The following SGSM1 variants were observed in gnomAD, a reference collection of about 807,000 sequenced individuals.
The protein encoded by SGSM1 is RUN and TBC1 domain containing 2.
SGSM1 carries 73 observed loss-of-function variants against 133.8 expected under a neutral mutation model. That is an observed-to-expected ratio of 0.55 (90% confidence interval 0.45 to 0.66). The LOEUF is 0.66. Among genes scored for constraint, SGSM1 ranks in the 30% least tolerant of loss-of-function variants. The pLI is 0.00. For missense variants in SGSM1, 1,213 were observed against 1,448.1 expected, an observed-to-expected ratio of 0.84 and a Z score of 2.64; for synonymous variants, 563 against 573.0, an observed-to-expected ratio of 0.98 and a Z score of 0.25.
intron 21 of SGSM1, among the ~76,000 whole-genome samples, chr22:24,905,743 CACACCACT>C (rs1391476841): frequency 6.9e-6 from 1 of 144,716 alleles, no homozygotes; most frequent in Non-Finnish European, 1.5e-5. Context: ...GAACCGAGAT[CACACCACT>C]GTACTCCAGC....
At chr22:24,889,041 AACCTCC>A (rs1177324379) in intron 16 of SGSM1, among the ~76,000 whole-genome samples, 1 of 141,960 alleles carries the variant, frequency 7.0e-6, no homozygotes, top group Non-Finnish European at 1.5e-5. Flanking sequence ...GGCTTACTAC[AACCTCC>A]ACCTCCCAGG....
intron 12 of SGSM1, among the ~76,000 whole-genome samples, chr22:24,872,934 A>T (rs1439553666): frequency 3.3e-5 from 5 of 151,072 alleles, no homozygotes; most frequent in Middle Eastern, 3.4e-3. Context: ...AAAAAAAGAA[A>T]TTTTTTTAAA....
chr22:24,869,897 C>T (rs74526375), intron 12 of SGSM1, among the ~76,000 whole-genome samples: 1,744 of 152,326 alleles, frequency 0.011, 36 homozygotes, highest in African/African-American at 0.04. Context: ...TTGAAAAGTA[C>T]TTAGAAGAGG....
At chr22:24,894,526 G>C (rs1240769252) in intron 17 of SGSM1, among the ~76,000 whole-genome samples, 1 of 152,228 alleles carries the variant, frequency 6.6e-6, no homozygotes, top group Non-Finnish European at 1.5e-5. Context: ...CTCTGGGTCA[G>C]CTGGCAAGTT....
chr22:24,900,019 T>C (rs1293431500), intron 19 of SGSM1, among the ~76,000 whole-genome samples: 1 of 145,906 alleles, frequency 6.9e-6, no homozygotes, highest in East Asian at 2.1e-4. Context: ...GATTATTTTA[T>C]AGTCTCTTGC....
intron 2 of SGSM1, among the ~76,000 whole-genome samples, chr22:24,818,280 A>C (rs1006510109): frequency 4.6e-5 from 7 of 151,848 alleles, no homozygotes; most frequent in African/African-American, 1.5e-4. Context: ...AACAGTACTA[A>C]TCCCATCCAA....
intron 16 of SGSM1, among the ~76,000 whole-genome samples, chr22:24,890,569 C>G (rs139728): frequency 0.23 from 34,807 of 151,748 alleles, 4,271 homozygotes; most frequent in East Asian, 0.52. Flanking sequence ...GAGGTGGAGT[C>G]TCGCTCTGTT....
chr22:24,896,650 G>A (rs576193455), intron 18 of SGSM1, among the ~76,000 whole-genome samples: 9 of 142,888 alleles, frequency 6.3e-5, no homozygotes, highest in South Asian at 2.2e-4. Context: ...TGCCTTTTCC[G>A]TGTGTTAACT....
At chr22:24,837,963 A>C (rs1929565105) in intron 2 of SGSM1, among the ~76,000 whole-genome samples, 1 of 152,216 alleles carries the variant, frequency 6.6e-6, no homozygotes, top group East Asian at 1.9e-4. Context: ...ATTATACTGG[A>C]ACAGCTCGTG....
At chr22:24,849,319 C>G (rs911297298) in intron 4 of SGSM1, among the ~76,000 whole-genome samples, 1 of 151,662 alleles carries the variant, frequency 6.6e-6, no homozygotes, top group Admixed American at 6.6e-5. Context: ...TTTGGGAGGC[C>G]AAGGTGGGCA....
At chr22:24,855,090 A>G (rs1358713023) in intron 6 of SGSM1, 27 bp downstream of exon 6, 1 of 1,608,322 alleles carries the variant, frequency 6.2e-7, no homozygotes, top group Non-Finnish European at 8.5e-7. Flanking sequence ...GCTGAGCTTC[A>G]TCTAGACCCG....
At chr22:24,818,927 A>G (rs184673968) in intron 2 of SGSM1, among the ~76,000 whole-genome samples, 1,573 of 151,996 alleles carry the variant, frequency 0.01, 55 homozygotes, top group Admixed American at 0.072. Flanking sequence ...CGGGCGGATC[A>G]TGAGGTCAGG....
At chr22:24,871,458 T>C (rs532657579) in intron 12 of SGSM1, among the ~76,000 whole-genome samples, 1 of 152,108 alleles carries the variant, frequency 6.6e-6, no homozygotes, top group Non-Finnish European at 1.5e-5. Flanking sequence ...CAGTAAGCAA[T>C]AGTAGGTATC....
rs1932152833 is a variant in SGSM1 at position 24,878,602 on chromosome 22, C to T, written c.1431-860C>T. Among the ~76,000 whole-genome samples, 7 of 152,324 alleles carry T rather than the reference C, an allele frequency of 4.6e-5. No individual in the cohort carries two copies. The South Asian group carries it at 1.4e-3, about 32-fold the overall frequency. ...TCCTGAGAACAAATATGCAGATATT[C>T]TTCCATTCTATCCTCTATGAGAGTG... On this transcript the variant is annotated intron_variant, in intron 13 of 24. Transcript: ENST00000400358.
At chr22:24,862,245 C>T (rs574828578) in intron 9 of SGSM1, among the ~76,000 whole-genome samples, 62 of 152,246 alleles carry the variant, frequency 4.1e-4, no homozygotes, top group Admixed American at 1.6e-3. Context: ...CCACCGCACC[C>T]GGCCACCCAG....
At chr22:24,827,694 C>G (rs563518945) in intron 2 of SGSM1, among the ~76,000 whole-genome samples, 1 of 152,086 alleles carries the variant, frequency 6.6e-6, no homozygotes, top group African/African-American at 2.4e-5. Context: ...GGATCTCATT[C>G]AGGCCTCCTC....
chr22:24,860,913 AAAAAAAAAAAT>A lies in SGSM1; in HGVS notation c.926+1075_926+1085del, dbSNP rs1233196749. On this transcript the variant is annotated intron_variant, in intron 9 of 24. Coordinates refer to ENST00000400358, the MANE Select transcript of SGSM1 (RefSeq NM_001098497.3). Reference sequence around the variant, plus strand: ...AGACTGTCTTAAAAAAAAAAAAAAAAAAAAAAAAAATATATATATATATATATATATATATA... The same window carrying A: ...AGACTGTCTTAAAAAAAAAAAAAAAAATATATATATATATATATATATATA... Among the ~76,000 whole-genome samples the A allele has an allele frequency of 2.2e-3, 247 of 110,742 alleles. 4 individuals are homozygous for A. The East Asian group carries it at 0.044, about 20-fold the overall frequency. The allele number at this position is 110,742 out of a possible 152,430, so 72.7% of individuals were successfully genotyped here.
At position 24,917,663 on chromosome 22, in the gene SGSM1, G is replaced by A. The variant is rs769514213; in HGVS notation, c.2934G>A (p.Leu978=). Residue 978 remains leucine (L), a synonymous_variant, in exon 23 of 25, where the codon CTG becomes CTA. Coordinates refer to ENST00000400358, the MANE Select transcript of SGSM1 (RefSeq NM_001098497.3). The part of the protein sequence containing the change: ...FANMRSLIQI[L]DSELFELMHQ... ...TGCCTTTCCTTCCTTGACAGATCCTGGACTCAGAGCTGTTTGAGCTGATGC... is the reference window on the plus strand; with the variant it reads ...TGCCTTTCCTTCCTTGACAGATCCTAGACTCAGAGCTGTTTGAGCTGATGC... 2 of 1,612,728 alleles carry A rather than the reference G, an allele frequency of 1.2e-6. No homozygotes were observed. The highest frequency in any genetic ancestry group is 1.7e-5 in the Admixed American group (1 of 59,832).
At chr22:24,876,762 A>G (rs1269712465) in intron 13 of SGSM1, 47 bp downstream of exon 13, 1 of 1,611,156 alleles carries the variant, frequency 6.2e-7, no homozygotes. Flanking sequence ...AGGATGTACC[A>G]GAGATCTGTA....
Sources: gnomAD v4.1 joint callset for allele counts (sites outside exome capture counted in the v4.1 genomes callset) on GRCh38, gnomAD v4.1.1 for gene constraint, MANE v1.5 for transcripts, NCBI Gene and HGNC (gene_info 2026-07-23, HGNC 2026-07-21) for gene names.